The following FAM120A variants were observed in gnomAD, a reference collection of about 807,000 sequenced individuals.
FAM120A encodes constitutive coactivator of PPAR-gamma-like protein 1.
FAM120A carries 15 observed loss-of-function variants against 109.7 expected under a neutral mutation model. The observed-to-expected ratio is 0.14, with a 90% CI of 0.09 to 0.21. FAM120A has a LOEUF of 0.21. Among genes scored for constraint, FAM120A ranks in the 10% least tolerant of loss-of-function variants. The pLI is 1.00. For synonymous variants in FAM120A, 493 were observed against 572.8 expected, an observed-to-expected ratio of 0.86 and a Z score of 1.99; for missense variants, 899 against 1,439.3, an observed-to-expected ratio of 0.62 and a Z score of 6.07.
rs1398027124 is a variant in FAM120A at position 93,532,591 on chromosome 9, G to C, written c.1909+262G>C. 2.3e-6 allele frequency: 1 copy of C among 435,488 alleles called. No homozygotes were observed. Among genetic ancestry groups the C allele is most frequent in the Non-Finnish European group, 4.2e-6 (1 of 236,918 alleles). The allele number at this position is 435,488 out of a possible 1,614,324, so 27.0% of individuals were successfully genotyped here. ...AACAGGTTTACACTTTAAAGTGAAT[G>C]TTGATCTGAAAGCAGACTTGAATTG... On this transcript the variant is annotated intron_variant, in intron 10 of 17. Coordinates refer to ENST00000277165, the MANE Select transcript of FAM120A (RefSeq NM_014612.5). The surrounding 1 kb of genome is among the most constrained non-coding windows in gnomAD (Gnocchi z 4.3).
At position 93,452,581 on chromosome 9, in the gene FAM120A, A is replaced by G. The variant is rs79629992; in HGVS notation, c.474+192A>G. 5,397 of 1,596,618 alleles carry G rather than the reference A, an allele frequency of 3.4e-3. 155 individuals are homozygous for G. In the African/African-American group the frequency reaches 0.063, roughly 19 times the overall value. On this transcript the variant is annotated intron_variant, in intron 1 of 17. Transcript: ENST00000277165. The surrounding 1 kb of genome is among the most constrained non-coding windows in gnomAD (Gnocchi z 7.0). Reference sequence around the variant, plus strand: ...GCGGGTGCAGGCCGCGCGCTGCCCAAGCCCGTCTCCAGCTGTCCCTGTTCG... The same window carrying G: ...GCGGGTGCAGGCCGCGCGCTGCCCAGGCCCGTCTCCAGCTGTCCCTGTTCG...
At chr9:93,517,069 A>G (rs994706808) in intron 7 of FAM120A, among the ~76,000 whole-genome samples, 3 of 152,108 alleles carry the variant, frequency 2.0e-5, no homozygotes, top group Non-Finnish European at 2.9e-5. Flanking sequence ...CTTCCATGCC[A>G]GTTCTTACCT....
At position 93,561,109 on chromosome 9, in the gene FAM120A, G is replaced by T; in HGVS notation, c.2807G>T (p.Gly936Val). Residue 936 changes from glycine to valine, a missense_variant and splice_region_variant, in exon 16 of 18, where the codon GGA becomes GTA. Transcript: ENST00000277165. ...DSSRTSKSQG[G>V]VQPIPSQGGK... ...GTCTTTTTGTATATTTTTTATGCAGGAGTCCAACCTATACCTTCTCAGGGA... is the reference window on the plus strand; with the variant it reads ...GTCTTTTTGTATATTTTTTATGCAGTAGTCCAACCTATACCTTCTCAGGGA... The T allele has an allele frequency of 6.2e-7, 1 of 1,612,870 alleles. No homozygotes were observed. The highest frequency in any genetic ancestry group is 8.5e-7 in the Non-Finnish European group (1 of 1,179,682).
intron 1 of FAM120A, among the ~76,000 whole-genome samples, chr9:93,461,417 A>G (rs1402232528): frequency 1.3e-5 from 2 of 152,178 alleles, no homozygotes; most frequent in African/African-American, 4.8e-5. Flanking sequence ...AAGAGTTTGC[A>G]AGTGTTACTA....
intron 17 of FAM120A, among the ~76,000 whole-genome samples, chr9:93,563,053 A>G (rs1358815637): frequency 6.6e-6 from 1 of 152,192 alleles, no homozygotes; most frequent in Non-Finnish European, 1.5e-5. Context: ...GGGTGCGTTA[A>G]TATTTCTGAA....
At chr9:93,509,375 C>T (rs2131384126) in intron 5 of FAM120A, among the ~76,000 whole-genome samples, 1 of 152,292 alleles carries the variant, frequency 6.6e-6, no homozygotes, top group Admixed American at 6.5e-5. Flanking sequence ...AGCCTGGGGG[C>T]TATGAGCCGT....
intron 5 of FAM120A, among the ~76,000 whole-genome samples, chr9:93,507,073 G>A (rs1860094550): frequency 6.6e-6 from 1 of 152,148 alleles, no homozygotes; most frequent in South Asian, 2.1e-4. Context: ...GGTGTGCTGA[G>A]GTGTGCATTT....
intron 11 of FAM120A, among the ~76,000 whole-genome samples, 198 bp from the exon 12 acceptor site, chr9:93,550,379 A>G (rs1005524057): frequency 1.3e-5 from 2 of 152,266 alleles, no homozygotes; most frequent in African/African-American, 4.8e-5. Flanking sequence ...ATTCTAAAGT[A>G]AAACATTCTG....
In FAM120A at chr9:93,498,723, A is replaced by G; in HGVS notation, c.934-67A>G. ...AATATTATACATGTGCTGAATTATA[A>G]AAAACATTGTGATACACATGACCAG... On this transcript the variant is annotated intron_variant, in intron 4 of 17. Transcript: ENST00000277165. This position sits in a 1 kb window ranked among gnomAD's most constrained non-coding sequence, Gnocchi z 4.4. The G allele has an allele frequency of 3.3e-6, 3 of 917,400 alleles. No homozygotes were observed. The highest frequency in any genetic ancestry group is 5.4e-6 in the Non-Finnish European group (3 of 551,570). 56.8% of individuals were successfully genotyped at this position (917,400 alleles called of 1,614,324 possible). A position where few individuals can be genotyped will look rare whatever the true frequency, so the allele number is the denominator to read the frequency against.
At chr9:93,468,420 G>T (rs1564310523) in intron 1 of FAM120A, among the ~76,000 whole-genome samples, 1 of 152,206 alleles carries the variant, frequency 6.6e-6, no homozygotes, top group Non-Finnish European at 1.5e-5. Flanking sequence ...ATATGTAAAA[G>T]AACGGTAGTT....
chr9:93,510,390 C>T lies in FAM120A; in HGVS notation c.1031-5277C>T, dbSNP rs138159851. Among the ~76,000 whole-genome samples, 169 of 152,236 alleles carry T rather than the reference C, an allele frequency of 1.1e-3. 1 individual carries two copies. The highest frequency in any genetic ancestry group is 3.5e-3 in the African/African-American group (146 of 41,520). On this transcript the variant is annotated intron_variant, in intron 5 of 17. Coordinates refer to ENST00000277165, the MANE Select transcript of FAM120A (RefSeq NM_014612.5). ...TTAAAAGACTGCAGTGTGTGTCTTC[C>T]CAAAGTGGATGCACTTAGGTTTATT...
chr9:93,530,786 A>G (rs1861295950), intron 9 of FAM120A: 1 of 152,202 alleles, frequency 6.6e-6, no homozygotes, highest in African/African-American at 2.4e-5. Flanking sequence ...TAAGGAACCA[A>G]AGTTTTGGGA....
At chr9:93,491,947 T>A (rs1859339975) in intron 3 of FAM120A, among the ~76,000 whole-genome samples, 1 of 152,272 alleles carries the variant, frequency 6.6e-6, no homozygotes, top group East Asian at 1.9e-4. Flanking sequence ...TTAGTTTGAG[T>A]GTTAATTTTG....
intron 7 of FAM120A, among the ~76,000 whole-genome samples, chr9:93,525,188 T>C (rs1318964677): frequency 6.6e-6 from 1 of 152,228 alleles, no homozygotes; most frequent in Non-Finnish European, 1.5e-5. Context: ...ATCCAGATTA[T>C]GACATTTATT....
chr9:93,511,022 G>A (rs370504475), intron 5 of FAM120A, among the ~76,000 whole-genome samples: 5 of 151,700 alleles, frequency 3.3e-5, no homozygotes, highest in African/African-American at 1.2e-4. Context: ...GTTCTTGTAT[G>A]AGCAGTCCAG....
chr9:93,517,757 G>C (rs1860662958), intron 7 of FAM120A, among the ~76,000 whole-genome samples: 2 of 152,204 alleles, frequency 1.3e-5, no homozygotes, highest in Non-Finnish European at 2.9e-5. Context: ...GGTGACTGGG[G>C]CATGTTTCAG....
chr9:93,565,972 T>C lies in FAM120A; in HGVS notation c.*1432T>C, dbSNP rs1054104976. ...GATCTTACTGTAAGTTGAAGGGAGTTTTGCCCTAACTCATGGATTGTGCAA... is the reference window on the plus strand; with the variant it reads ...GATCTTACTGTAAGTTGAAGGGAGTCTTGCCCTAACTCATGGATTGTGCAA... On this transcript the variant is annotated 3_prime_UTR_variant, in exon 18 of 18. Coordinates refer to ENST00000277165, the MANE Select transcript of FAM120A (RefSeq NM_014612.5). 5 of 152,648 alleles carry C rather than the reference T, an allele frequency of 3.3e-5. No individual in the cohort carries two copies. The highest frequency in any genetic ancestry group is 5.9e-5 in the Non-Finnish European group (4 of 68,042). The allele number at this position is 152,648 out of a possible 1,614,324, so 9.5% of individuals were successfully genotyped here. A position where few individuals can be genotyped will look rare whatever the true frequency, so the allele number is the denominator to read the frequency against.
chr9:93,557,371 C>T (rs1005391638), intron 13 of FAM120A, among the ~76,000 whole-genome samples: 2 of 152,150 alleles, frequency 1.3e-5, no homozygotes, highest in Admixed American at 6.5e-5. Flanking sequence ...CTCAAGCAAT[C>T]CACCCACCTT....
In FAM120A at chr9:93,498,965, T is replaced by C; in HGVS notation, c.1030+79T>C. 1.0e-6 allele frequency: 1 copy of C among 955,104 alleles called. No homozygotes were observed. The highest frequency in any genetic ancestry group is 1.7e-6 in the Non-Finnish European group (1 of 598,010). The allele number at this position is 955,104 out of a possible 1,614,324, so 59.2% of individuals were successfully genotyped here. ...TTTAAATATTCACCATATAATCTTG[T>C]AGGTTTATGTTTTTGAAACATGATT... On this transcript the variant is annotated intron_variant, in intron 5 of 17. Transcript: ENST00000277165. The surrounding 1 kb of genome is among the most constrained non-coding windows in gnomAD (Gnocchi z 4.4).
Sources: gnomAD v4.1 joint callset for allele counts (sites outside exome capture counted in the v4.1 genomes callset) on GRCh38, gnomAD v4.1.1 for gene constraint, Gnocchi (gnomAD v3.1) non-coding constraint, MANE v1.5 for transcripts, NCBI Gene and HGNC (gene_info 2026-07-23, HGNC 2026-07-21) for gene names.